The following PKP4 variants were observed in gnomAD, a reference collection of about 807,000 sequenced individuals.
PKP4 encodes the protein plakophilin 4.
PKP4 carries 90 observed loss-of-function variants against 145.1 expected under a neutral mutation model. The ratio of observed to expected loss-of-function variants is 0.62; its 90% CI spans 0.52 to 0.74. PKP4 has a LOEUF of 0.74. Among genes scored for constraint, PKP4 ranks in the 30% least tolerant of loss-of-function variants. The pLI, the probability that PKP4 is intolerant of heterozygous loss-of-function variation, is 0.00. For synonymous variants in PKP4, 563 were observed against 577.2 expected (o/e 0.98, Z 0.35); for missense variants, 1,340 against 1,482.7 (o/e 0.90, Z 1.58).
chr2:158,627,869 G>A (rs2052959845), intron 7 of PKP4, among the ~76,000 whole-genome samples: 1 of 151,732 alleles, frequency 6.6e-6, no homozygotes, highest in South Asian at 2.1e-4. Context: ...GATAAATAAT[G>A]CAGTGGCGTA....
intron 2 of PKP4, among the ~76,000 whole-genome samples, chr2:158,564,867 T>C (rs910675116): frequency 3.3e-5 from 5 of 152,220 alleles, no homozygotes; most frequent in African/African-American, 9.6e-5. Context: ...TAAGTTCCCA[T>C]GTATACTTGC....
At chr2:158,620,918 C>T in intron 4 of PKP4, 72 bp from the exon 5 acceptor site, 1 of 1,346,756 alleles carries the variant, frequency 7.4e-7, no homozygotes, top group Admixed American at 1.7e-5. Flanking sequence ...TGTTGACAAA[C>T]ATCTGAACCT....
At chr2:158,672,633 ATTTC>A (rs1366721970) in intron 17 of PKP4, among the ~76,000 whole-genome samples, 4 of 152,050 alleles carry the variant, frequency 2.6e-5, no homozygotes, top group Non-Finnish European at 5.9e-5. Flanking sequence ...ATCTGTGTTT[ATTTC>A]TTTGGGGTAT....
intron 2 of PKP4, among the ~76,000 whole-genome samples, chr2:158,566,895 A>G (rs1197875923): frequency 6.6e-6 from 1 of 152,166 alleles, no homozygotes; most frequent in Non-Finnish European, 1.5e-5. Context: ...TAGGAGAAAA[A>G]GTAAATGAAA....
chr2:158,583,287 A>C (rs2048489316), intron 3 of PKP4, among the ~76,000 whole-genome samples: 1 of 152,180 alleles, frequency 6.6e-6, no homozygotes. Flanking sequence ...CCCACATTGC[A>C]GGGCCCACTT....
At chr2:158,659,516 C>T (rs948210595) in intron 12 of PKP4, 3 of 152,244 alleles carry the variant, frequency 2.0e-5, no homozygotes, top group African/African-American at 7.2e-5. Flanking sequence ...GACAGACAAA[C>T]AAGGAAACAA....
intron 11 of PKP4, among the ~76,000 whole-genome samples, chr2:158,643,218 A>C (rs1035154257): frequency 1.3e-5 from 2 of 152,160 alleles, no homozygotes; most frequent in Admixed American, 6.5e-5. Flanking sequence ...CGTCAGGGAA[A>C]TGTGGCAAGT....
chr2:158,472,301 T>TAAATC (rs1553537236), intron 1 of PKP4, among the ~76,000 whole-genome samples: 2 of 151,674 alleles, frequency 1.3e-5, no homozygotes, highest in Non-Finnish European at 2.9e-5. Flanking sequence ...CTAAAAAATT[T>TAAATC]AAAATGAATT....
chr2:158,576,280 G>A (rs537311484), intron 2 of PKP4, among the ~76,000 whole-genome samples: 1 of 152,094 alleles, frequency 6.6e-6, no homozygotes, highest in African/African-American at 2.4e-5. Context: ...AATATTTTAG[G>A]TTGTTTTATT....
At chr2:158,464,525 T>C (rs748761201) in intron 1 of PKP4, among the ~76,000 whole-genome samples, 4 of 152,234 alleles carry the variant, frequency 2.6e-5, no homozygotes, top group Non-Finnish European at 4.4e-5. Flanking sequence ...TGTTTAAAAA[T>C]ATTGAGGTTA....
intron 13 of PKP4, chr2:158,662,652 A>C (rs367994875): frequency 2.9e-6 from 1 of 341,292 alleles, no homozygotes; most frequent in Non-Finnish European, 5.3e-6. Flanking sequence ...CCGGAGCCTC[A>C]AGCATTTCGG....
intron 3 of PKP4, among the ~76,000 whole-genome samples, chr2:158,595,569 C>T (rs551505776): frequency 6.6e-6 from 1 of 152,094 alleles, no homozygotes; most frequent in East Asian, 1.9e-4. Flanking sequence ...AAGAGATAGA[C>T]GGAGTAAAGT....
At chr2:158,547,775 G>A (rs941641992) in intron 2 of PKP4, among the ~76,000 whole-genome samples, 2 of 152,124 alleles carry the variant, frequency 1.3e-5, no homozygotes, top group African/African-American at 4.8e-5. Context: ...ACAGACTCTT[G>A]GATAGACACT....
At chr2:158,500,325 T>G (rs911055797) in intron 1 of PKP4, among the ~76,000 whole-genome samples, 2 of 152,188 alleles carry the variant, frequency 1.3e-5, no homozygotes, top group African/African-American at 4.8e-5. Flanking sequence ...ACTGTACCAG[T>G]CAAGGTTTAT....
At chr2:158,677,757 A>G (rs2058132068) in intron 20 of PKP4, among the ~76,000 whole-genome samples, 1 of 152,226 alleles carries the variant, frequency 6.6e-6, no homozygotes, top group Admixed American at 6.5e-5. Context: ...GCTACATTTC[A>G]ACACCAAGCT....
At chr2:158,671,743 A>G (rs1357922303) in intron 17 of PKP4, among the ~76,000 whole-genome samples, 2 of 152,226 alleles carry the variant, frequency 1.3e-5, no homozygotes, top group Non-Finnish European at 2.9e-5. Flanking sequence ...GTAGACGCAG[A>G]CAAGGTGCCA....
intron 4 of PKP4, 114 bp from the exon 5 acceptor site, chr2:158,620,876 A>G: frequency 1.2e-6 from 1 of 801,884 alleles, no homozygotes; most frequent in Non-Finnish European, 2.1e-6. Context: ...TGAAAATAAT[A>G]GCCTTGTATT....
chr2:158,658,187 G>T lies in PKP4; in HGVS notation c.1966G>T (p.Ala656Ser), dbSNP rs368348975. 3 of 1,605,082 alleles carry T rather than the reference G, an allele frequency of 1.9e-6. No homozygotes were observed. Among genetic ancestry groups the T allele is most frequent in the Non-Finnish European group, 2.6e-6 (3 of 1,172,798 alleles). Residue 656 changes from alanine (A) to serine (S), a missense_variant, in exon 12 of 22, where the codon GCT (alanine) becomes TCT (serine). Physicochemically the swap from Ala to Ser is moderately conservative, Grantham distance 99 (BLOSUM62 1). Transcript: ENST00000389759. ...DAVKMTIIRD[A>S]LSTLTNTVIV... ...TGTAAAAATGACAATCATTCGAGAT[G>T]CTCTCTCAACCTTAACAAACACTGT...
chr2:158,642,029 G>A (rs564018039), intron 10 of PKP4, among the ~76,000 whole-genome samples: 4 of 151,902 alleles, frequency 2.6e-5, no homozygotes, highest in South Asian at 4.2e-4. Context: ...TTTTTTTGGT[G>A]GGGGGTGGGG....
Sources: allele counts gnomAD v4.1 joint callset (sites outside exome capture counted in the v4.1 genomes callset), GRCh38; gene constraint gnomAD v4.1.1; transcripts MANE v1.5; gene names NCBI Gene and HGNC (gene_info 2026-07-23, HGNC 2026-07-21).